RDX: variants seen among roughly 807,000 people sequenced by gnomAD.
The protein encoded by RDX is deafness, autosomal recessive 24.
RDX carries 32 observed loss-of-function variants against 83.7 expected under a neutral mutation model. The ratio of observed to expected loss-of-function variants is 0.38; its 90% confidence interval spans 0.29 to 0.51. The LOEUF is 0.51. RDX is among the 20% of genes least tolerant of loss of function. The pLI, the probability that RDX is intolerant of heterozygous loss-of-function variation, is 0.87. For synonymous variants in RDX, 229 were observed against 222.7 expected (o/e 1.03, Z -0.25); for missense variants, 600 against 689.9 (o/e 0.87, Z 1.46).
At chr11:110,264,967 T>C (rs1859967774) in intron 3 of RDX, 93 bp from the exon 4 acceptor site, 1 of 872,720 alleles carries the variant, frequency 1.1e-6, no homozygotes, top group Admixed American at 1.9e-5. Context: ...AACAAAACTA[T>C]GTAAGTATAC....
At chr11:110,271,075 T>C (rs1860290251) in intron 3 of RDX, among the ~76,000 whole-genome samples, 1 of 152,232 alleles carries the variant, frequency 6.6e-6, no homozygotes, top group South Asian at 2.1e-4. Flanking sequence ...CTTAGCTCTT[T>C]ATGATTTTGC....
At chr11:110,208,768 C>A (rs1863698451) in intron 14 of RDX, among the ~76,000 whole-genome samples, 1 of 152,100 alleles carries the variant, frequency 6.6e-6, no homozygotes. Context: ...ACCACCCTGG[C>A]CAACATGATG....
chr11:110,234,722 A>G (rs1229394622), intron 12 of RDX, among the ~76,000 whole-genome samples: 1 of 152,222 alleles, frequency 6.6e-6, no homozygotes, highest in Non-Finnish European at 1.5e-5. Context: ...GTAACTGGGA[A>G]ATTAACAGTA....
intron 15 of RDX, among the ~76,000 whole-genome samples, chr11:110,189,243 T>TGAAAAAAAAAAA (rs1491576666): frequency 2.8e-5 from 1 of 35,590 alleles, no homozygotes; most frequent in Non-Finnish European, 6.3e-5. Flanking sequence ...GAACAACAGG[T>TGAAAAAAAAAAA]AAAAAAAAAA....
rs185775636 is a variant in RDX, at chr11:110,176,638, C to T, written c.*32-1404G>A. ...AACTTAATATACAGACTTGTGATAC[C>T]GCTTTCCAGATTGGTAGCAGGAAAT... On this transcript the variant is annotated intron_variant, in intron 15 of 15. Coordinates refer to the RDX transcript ENST00000528498. 6.1e-4 allele frequency among the ~76,000 whole-genome samples: 93 copies of T among 152,296 alleles called. 1 individual carries two copies. Among genetic ancestry groups the T allele is most frequent in the African/African-American group, 2.1e-3 (87 of 41,558 alleles).
chr11:110,211,896 T>C (rs973476802), intron 14 of RDX, among the ~76,000 whole-genome samples: 15 of 148,350 alleles, frequency 1.0e-4, no homozygotes, highest in African/African-American at 2.7e-4. Context: ...AGATCCAAAA[T>C]TGACACCCTA....
At chr11:110,291,907 A>T (rs1460014734) in intron 1 of RDX, among the ~76,000 whole-genome samples, 2 of 152,132 alleles carry the variant, frequency 1.3e-5, no homozygotes, top group Admixed American at 1.3e-4. Context: ...CGAGGCAGAA[A>T]GTCCAAGGCA....
At chr11:110,259,152 G>A (rs1859689555) in intron 5 of RDX, among the ~76,000 whole-genome samples, 2 of 151,894 alleles carry the variant, frequency 1.3e-5, no homozygotes, top group Non-Finnish European at 2.9e-5. Flanking sequence ...TGGCCAGGTT[G>A]GTCTTGAACT....
intron 12 of RDX, among the ~76,000 whole-genome samples, chr11:110,235,436 A>T (rs970327164): frequency 6.6e-6 from 1 of 152,006 alleles, no homozygotes; most frequent in African/African-American, 2.4e-5. Context: ...ATTCCTCTTT[A>T]TTCTCATTTT....
At chr11:110,184,353 C>T (rs542782875) in intron 15 of RDX, among the ~76,000 whole-genome samples, 1 of 152,348 alleles carries the variant, frequency 6.6e-6, no homozygotes, top group East Asian at 1.9e-4. Flanking sequence ...TGGGGTTCTC[C>T]AGCCTCTGTC....
At chr11:110,210,818 T>C (rs957717552) in intron 14 of RDX, among the ~76,000 whole-genome samples, 2 of 151,690 alleles carry the variant, frequency 1.3e-5, no homozygotes, top group Admixed American at 1.3e-4. Context: ...CAGGCCTGCC[T>C]TACAAGAGCT....
At chr11:110,275,927 G>A (rs563628414) in intron 2 of RDX, among the ~76,000 whole-genome samples, 1 of 151,842 alleles carries the variant, frequency 6.6e-6, no homozygotes, top group East Asian at 1.9e-4. Flanking sequence ...TGGGATTACA[G>A]GCATGCACCA....
At chr11:110,267,729 CA>C (rs1341967631) in intron 3 of RDX, among the ~76,000 whole-genome samples, 2 of 151,302 alleles carry the variant, frequency 1.3e-5, no homozygotes, top group Non-Finnish European at 2.9e-5. Context: ...TTTAGGAGGC[CA>C]AGGCAGGAGG....
intron 14 of RDX, among the ~76,000 whole-genome samples, chr11:110,217,206 A>C (rs771483982): frequency 2.0e-4 from 31 of 152,218 alleles, no homozygotes; most frequent in Non-Finnish European, 2.6e-4. Flanking sequence ...ATTTTCTTCT[A>C]ACTCAGTCCC....
intron 14 of RDX, among the ~76,000 whole-genome samples, chr11:110,202,163 C>T (rs1863433078): frequency 6.6e-6 from 1 of 151,802 alleles, no homozygotes; most frequent in African/African-American, 2.4e-5. Flanking sequence ...AGGCTGAGGC[C>T]AGGGGTTGAT....
At chr11:110,243,141 T>A (rs2134328063) in intron 10 of RDX, among the ~76,000 whole-genome samples, 1 of 152,314 alleles carries the variant, frequency 6.6e-6, no homozygotes, top group South Asian at 2.1e-4. Context: ...GAATGCTTAC[T>A]GACAGCATTT....
At chr11:110,238,472 G>GT (rs1285920268) in intron 10 of RDX, among the ~76,000 whole-genome samples, 1 of 152,128 alleles carries the variant, frequency 6.6e-6, no homozygotes, top group Non-Finnish European at 1.5e-5. Flanking sequence ...TAGTAAGACA[G>GT]TACAAGGTCC....
chr11:110,255,226 A>G (rs948605244), intron 8 of RDX, 63 bp downstream of exon 8: 10 of 856,020 alleles, frequency 1.2e-5, no homozygotes, highest in African/African-American at 3.4e-5. Context: ...TCTTCAAGTG[A>G]TATCATGGGA....
In RDX at chr11:110,237,670, T is replaced by TC; in HGVS notation, c.1091-19dup. ...TTCTAGTTCTATGAAATATGTGTAT[T>TC]CCCCCCAACAGTGATTAATTCCAAT... On this transcript the variant is annotated intron_variant, in intron 10 of 13. Transcript: ENST00000645495. 6.2e-7 allele frequency: 1 copy of TC among 1,612,568 alleles called. No homozygotes were observed. The highest frequency in any genetic ancestry group is 8.5e-7 in the Non-Finnish European group (1 of 1,178,640).
Sources: gnomAD v4.1 joint callset for allele counts (sites outside exome capture counted in the v4.1 genomes callset) on GRCh38, gnomAD v4.1.1 for gene constraint, MANE v1.5 for transcripts, NCBI Gene and HGNC (gene_info 2026-07-23, HGNC 2026-07-21) for gene names.